Variants in HSPA12B observed in about 807,000 individuals in gnomAD.
HSPA12B encodes the protein heat shock protein family A (Hsp70) member 12B, also known as heat shock 70 kDa protein 12B.
In HSPA12B, 54 loss-of-function variants were observed where a neutral mutation model predicts 69.3. The observed-to-expected ratio is 0.78, with a 90% confidence interval of 0.63 to 0.98. The LOEUF is 0.98. HSPA12B is among the 50% of genes least tolerant of loss of function. The pLI is 0.00. For synonymous variants in HSPA12B, 441 were observed against 436.5 expected, an observed-to-expected ratio of 1.01 and a Z score of -0.13; for missense variants, 929 against 999.8, an observed-to-expected ratio of 0.93 and a Z score of 0.96.
chr20:3,736,237 C>G (rs189870741), intron 1 of HSPA12B, among the ~76,000 whole-genome samples: 16 of 152,346 alleles, frequency 1.1e-4, no homozygotes, highest in Admixed American at 2.0e-4. Context: ...TCCCCTCCCC[C>G]TCTCTGTGCT....
intron 4 of HSPA12B, among the ~76,000 whole-genome samples, chr20:3,742,906 CT>C (rs1249735855): frequency 6.6e-6 from 1 of 151,822 alleles, no homozygotes; most frequent in Non-Finnish European, 1.5e-5. Flanking sequence ...CGGAGTCTCA[CT>C]CTGTTGTCCA....
At chr20:3,733,510 G>A (rs2088062633) in intron 1 of HSPA12B, among the ~76,000 whole-genome samples, 1 of 152,134 alleles carries the variant, frequency 6.6e-6, no homozygotes, top group South Asian at 2.1e-4. Flanking sequence ...CCATGATGAG[G>A]ACCCAAGGGG....
Position 3,738,650 on chromosome 20 carries a change from G to A in HSPA12B, c.-17-8G>A, listed in dbSNP as rs758940609. On this transcript the variant is annotated splice_polypyrimidine_tract_variant and splice_region_variant and intron_variant, in intron 1 of 12. Coordinates refer to ENST00000254963, the MANE Select transcript of HSPA12B (RefSeq NM_052970.5). Reference sequence around the variant, plus strand: ...AATCCCACTCTGCTTGTCTGTTCCTGTTGACAGCTACAGGGCCTGCAAGGA... The same window carrying A: ...AATCCCACTCTGCTTGTCTGTTCCTATTGACAGCTACAGGGCCTGCAAGGA... 2 of 1,613,818 alleles carry A rather than the reference G, an allele frequency of 1.2e-6. No homozygotes were observed. Among genetic ancestry groups the A allele is most frequent in the Admixed American group, 1.7e-5 (1 of 60,022 alleles).
At position 3,749,745 on chromosome 20, in the gene HSPA12B, C is replaced by T. The variant is rs1174020009; in HGVS notation, c.938-5C>T. The T allele has an allele frequency of 1.6e-5, 26 of 1,580,226 alleles. No homozygotes were observed. The highest frequency in any genetic ancestry group is 2.2e-5 in the Non-Finnish European group (26 of 1,167,926). ...ACGAGTGTGTGCCCGCGCTCGCCGC[C>T]GCAGGAGACCGCTACGTGGTGGCCG... On this transcript the variant is annotated splice_region_variant and splice_polypyrimidine_tract_variant and intron_variant, in intron 9 of 12. Transcript: ENST00000254963. The surrounding 1 kb of genome is among the most constrained non-coding windows in gnomAD (Gnocchi z 5.5).
rs1196019528 is a variant in HSPA12B, at chr20:3,746,299, G to GTTT, written c.675+269_675+270insTTT. ...CTAAAAGCAGAGCCCAAGATGGAGAGTCTTTTTTTTTTTTTTTTTTTTTGA... is the reference window on the plus strand; with the variant it reads ...CTAAAAGCAGAGCCCAAGATGGAGAGTTTTCTTTTTTTTTTTTTTTTTTTTTGA... On this transcript the variant is annotated intron_variant, in intron 7 of 12. Transcript: ENST00000254963. Among the ~76,000 whole-genome samples the GTTT allele has an allele frequency of 6.1e-4, 22 of 36,352 alleles. No homozygotes were observed. The East Asian group carries it at 7.7e-3, about 13-fold the overall frequency. The allele number at this position is 36,352 out of a possible 152,430, so 23.8% of individuals were successfully genotyped here.
At chr20:3,738,852 G>C (rs1263401348) in intron 2 of HSPA12B, 135 bp downstream of exon 2, 3 of 853,858 alleles carry the variant, frequency 3.5e-6, no homozygotes, top group Non-Finnish European at 3.8e-6. Flanking sequence ...GTGTGTGTGT[G>C]TGTGTGCATG....
rs533433776 is a variant in HSPA12B, at chr20:3,752,186, C to T, written c.*20C>T. ...AACTGAGGGCGCGCCGGCGCGGTGC[C>T]AGCGCCGTCTGCCCGGCCCCGCCCT... On this transcript the variant is annotated 3_prime_UTR_variant, in exon 13 of 13. Coordinates refer to ENST00000254963, the MANE Select transcript of HSPA12B (RefSeq NM_052970.5). 6.2e-6 allele frequency: 9 copies of T among 1,454,170 alleles called. No homozygotes were observed. The highest frequency in any genetic ancestry group is 3.0e-5 in the African/African-American group (2 of 67,498). 90.1% of individuals were successfully genotyped at this position (1,454,170 alleles called of 1,614,324 possible). A position where few individuals can be genotyped will look rare whatever the true frequency, so the allele number is the denominator to read the frequency against.
chr20:3,744,810 T>C lies in HSPA12B; in HGVS notation c.267-92T>C. The C allele has an allele frequency of 8.1e-7, 1 of 1,236,954 alleles. No homozygotes were observed. Among genetic ancestry groups the C allele is most frequent in the Non-Finnish European group, 1.1e-6 (1 of 874,684 alleles). 76.6% of individuals were successfully genotyped at this position (1,236,954 alleles called of 1,614,324 possible). The stretch of plus-strand genomic sequence containing the variant: ...CCCATAGCTAGTTCTCCCTGCTCTT[T>C]CACATCTGTAAGTTTTTGCACATGC... On this transcript the variant is annotated intron_variant, in intron 4 of 12. Coordinates refer to ENST00000254963, the MANE Select transcript of HSPA12B (RefSeq NM_052970.5). The surrounding 1 kb of genome is among the most constrained non-coding windows in gnomAD (Gnocchi z 4.9).
rs761219955 is a variant in HSPA12B at position 3,744,929 on chromosome 20, G to GGGAGGGCGGA, written c.295_296insGAGGGCGGAG (p.Ala99GlyfsTer33). ...AATGGGAGGGCGGAGACCCGGGCGT[G>GGGAGGGCGGA]GCCCACCAGAAGACCCCGACCTGCC... On this transcript the variant is annotated frameshift_variant, in exon 5 of 13. Transcript: ENST00000254963. LOFTEE classifies it high-confidence loss of function. The surrounding 1 kb of genome is among the most constrained non-coding windows in gnomAD (Gnocchi z 4.9). The GGGAGGGCGGA allele has an allele frequency of 3.1e-6, 5 of 1,613,304 alleles. No individual in the cohort carries two copies. The highest frequency in any genetic ancestry group is 4.2e-6 in the Non-Finnish European group (5 of 1,180,024).
rs770029933 is a variant in HSPA12B at position 3,740,806 on chromosome 20, T to C, written c.44-9T>C. 1 of 1,612,318 alleles carries C rather than the reference T, an allele frequency of 6.2e-7. No homozygotes were observed. On this transcript the variant is annotated splice_polypyrimidine_tract_variant and intron_variant, in intron 2 of 12. Coordinates refer to ENST00000254963, the MANE Select transcript of HSPA12B (RefSeq NM_052970.5). This position sits in a 1 kb window ranked among gnomAD's most constrained non-coding sequence, Gnocchi z 4.9. ...TGTGCCAGGATGAACTGCCGTCTCT[T>C]CTCTGCAGGCTCCAGCCCGGAGCGG...
At chr20:3,735,463 C>CTTTT (rs34819658) in intron 1 of HSPA12B, among the ~76,000 whole-genome samples, 2 of 138,982 alleles carry the variant, frequency 1.4e-5, no homozygotes, top group Non-Finnish European at 1.6e-5. Flanking sequence ...AGGACTCAGT[C>CTTTT]TTTTTTTTTT....
At position 3,751,543 on chromosome 20, in the gene HSPA12B, G is replaced by A. The variant is rs2146594023; in HGVS notation, c.1438G>A (p.Val480Met). ...GCTGGCACGGCCGGAGGTGCAGGGT[G>A]TGAAGCTGCTGTTCCTAGTGGGCGG... ...ALLARPEVQG[V>M]KLLFLVGGFA... is the part of the protein sequence containing the mutation. The change falls in exon 13 of 13, where the codon GTG (valine) becomes ATG (methionine). Residue 480 changes from valine (V) to methionine (M), a missense_variant. Coordinates refer to ENST00000254963, the MANE Select transcript of HSPA12B (RefSeq NM_052970.5). 1 of 1,483,146 alleles carries A rather than the reference G, an allele frequency of 6.7e-7. No individual in the cohort carries two copies. Among genetic ancestry groups the A allele is most frequent in the Non-Finnish European group, 8.9e-7 (1 of 1,118,132 alleles). The allele number at this position is 1,483,146 out of a possible 1,614,324, so 91.9% of individuals were successfully genotyped here.
rs1018801332 is a variant in HSPA12B, at chr20:3,740,233, G to A, written c.44-582G>A. Among the ~76,000 whole-genome samples the A allele has an allele frequency of 6.6e-6, 1 of 152,156 alleles. No individual in the cohort carries two copies. The highest frequency in any genetic ancestry group is 2.1e-4 in the South Asian group (1 of 4,834). On this transcript the variant is annotated intron_variant, in intron 2 of 12. Coordinates refer to ENST00000254963, the MANE Select transcript of HSPA12B (RefSeq NM_052970.5). This position sits in a 1 kb window ranked among gnomAD's most constrained non-coding sequence, Gnocchi z 4.9. ...GACTGGGCTATCTCTATGGGTGTGG[G>A]AGGAGGTGCTCCCCCTCCTCGATCC...
Position 3,752,157 on chromosome 20 carries a change from T to A in HSPA12B, c.2052T>A (p.Leu684=). The A allele has an allele frequency of 6.9e-7, 1 of 1,454,150 alleles. No individual in the cohort carries two copies. Among genetic ancestry groups the A allele is most frequent in the East Asian group, 2.6e-5 (1 of 38,702 alleles). The allele number at this position is 1,454,150 out of a possible 1,614,324, so 90.1% of individuals were successfully genotyped here. A position where few individuals can be genotyped will look rare whatever the true frequency, so the allele number is the denominator to read the frequency against. Residue 684 remains leucine, a synonymous_variant, in exon 13 of 13, where the codon CTT becomes CTA. Coordinates refer to ENST00000254963, the MANE Select transcript of HSPA12B (RefSeq NM_052970.5). ...CCGTGCGCGCGTCCATCGACTTTCT[T>A]TCCAACTGAGGGCGCGCCGGCGCGG... The part of the protein sequence containing the change: ...NRSVRASIDF[L]SN
chr20:3,745,062 T>A lies in HSPA12B; in HGVS notation c.427T>A (p.Phe143Ile). 6.2e-7 allele frequency: 1 copy of A among 1,613,618 alleles called. No individual in the cohort carries two copies. The highest frequency in any genetic ancestry group is 8.5e-7 in the Non-Finnish European group (1 of 1,179,938). ...EARDWLYFEKFKMKIHSATDL... is the reference protein window; with the variant it reads ...EARDWLYFEKIKMKIHSATDL... The stretch of plus-strand genomic sequence containing the variant: ...GCGGGACTGGCTCTACTTCGAGAAG[T>A]TCAAGATGAAGATCCACAGCGCCAC... Residue 143 changes from phenylalanine (F) to isoleucine (I), a missense_variant, in exon 5 of 13, where the codon TTC becomes ATC. Transcript: ENST00000254963. This position sits in a 1 kb window ranked among gnomAD's most constrained non-coding sequence, Gnocchi z 5.6.
At position 3,744,120 on chromosome 20, in the gene HSPA12B, C is replaced by T. The variant is rs2088255227; in HGVS notation, c.267-782C>T. 6.6e-6 allele frequency among the ~76,000 whole-genome samples: 1 copy of T among 152,108 alleles called. No individual in the cohort carries two copies. The highest frequency in any genetic ancestry group is 2.4e-5 in the African/African-American group (1 of 41,406). On this transcript the variant is annotated intron_variant, in intron 4 of 12. Transcript: ENST00000254963. This position sits in a 1 kb window ranked among gnomAD's most constrained non-coding sequence, Gnocchi z 4.9. Reference sequence around the variant, plus strand: ...TACAGGAGACCTCAAAGCTCTCAACCCAGACTGGGATGGGAGGTAAGAGGG... The same window carrying T: ...TACAGGAGACCTCAAAGCTCTCAACTCAGACTGGGATGGGAGGTAAGAGGG...
chr20:3,746,146 A>C, intron 7 of HSPA12B, 115 bp downstream of exon 7: 1 of 724,394 alleles, frequency 1.4e-6, no homozygotes, highest in Non-Finnish European at 2.3e-6. Context: ...AAAGAACTTC[A>C]GCCTGCTCCT....
chr20:3,745,743 T>C lies in HSPA12B; in HGVS notation c.558+146T>C. On this transcript the variant is annotated intron_variant, in intron 6 of 12. Coordinates refer to ENST00000254963, the MANE Select transcript of HSPA12B (RefSeq NM_052970.5). This position sits in a 1 kb window ranked among gnomAD's most constrained non-coding sequence, Gnocchi z 5.6. ...TCATCTTCTCCAGTACCCTCCTCCC[T>C]TTTTGTCTGGTAGAGCCTGCACCAA... 4.3e-6 allele frequency: 4 copies of C among 922,390 alleles called. No individual in the cohort carries two copies. The highest frequency in any genetic ancestry group is 1.4e-5 in the South Asian group (1 of 70,314). The allele number at this position is 922,390 out of a possible 1,614,324, so 57.1% of individuals were successfully genotyped here.
At position 3,751,694 on chromosome 20, in the gene HSPA12B, C is replaced by G; in HGVS notation, c.1589C>G (p.Ala530Gly). 1.3e-6 allele frequency: 2 copies of G among 1,486,062 alleles called. No individual in the cohort carries two copies. Among genetic ancestry groups the G allele is most frequent in the South Asian group, 2.6e-5 (2 of 78,178 alleles). 92.1% of individuals were successfully genotyped at this position (1,486,062 alleles called of 1,614,324 possible). The change falls in exon 13 of 13, where the codon GCG (alanine) becomes GGG (glycine). Residue 530 changes from alanine to glycine, a missense_variant. Coordinates refer to ENST00000254963, the MANE Select transcript of HSPA12B (RefSeq NM_052970.5). ...AAAGGCGCGGTGCTGTTCGGCCAGG[C>G]GCCGGGCGTGGTGCGGGTCCGCCGC... ...ILKGAVLFGQ[A>G]PGVVRVRRSP... is the part of the protein sequence containing the mutation.
Sources: allele counts gnomAD v4.1 joint callset (sites outside exome capture counted in the v4.1 genomes callset), GRCh38; gene constraint gnomAD v4.1.1; non-coding constraint Gnocchi (gnomAD v3.1); transcripts MANE v1.5; gene names NCBI Gene and HGNC (gene_info 2026-07-23, HGNC 2026-07-21).